CHST11: variants seen among roughly 807,000 people sequenced by gnomAD.
CHST11 encodes C4S-1.
In CHST11, 9 loss-of-function variants were observed where a neutral mutation model predicts 30.4. The observed-to-expected ratio is 0.30, with a 90% CI of 0.18 to 0.52. The LOEUF (loss-of-function observed/expected upper bound fraction) is 0.52, where lower values mean the gene tolerates loss of function less well. Among genes scored for constraint, CHST11 ranks in the 20% least tolerant of loss-of-function variants. CHST11 has a pLI of 0.97. For missense variants in CHST11, 348 were observed against 460.6 expected (o/e 0.76, Z 2.24); for synonymous variants, 152 against 187.8 (o/e 0.81, Z 1.56).
At position 104,571,360 on chromosome 12, in the gene CHST11, C is replaced by G. The variant is rs181975343; in HGVS notation, c.119-30546C>G. Among the ~76,000 whole-genome samples, 175 of 151,916 alleles carry G rather than the reference C, an allele frequency of 1.2e-3. 1 individual carries two copies. In the East Asian group the frequency reaches 0.029, roughly 25 times the overall value. ...GTATTTTTAGTAGAGATGGGGTTTC[C>G]CCCTGTTGGTCAGGCTGGTCTTGAT... On this transcript the variant is annotated intron_variant, in intron 1 of 2. Transcript: ENST00000303694.
At chr12:104,567,740 C>G (rs530685287) in intron 1 of CHST11, among the ~76,000 whole-genome samples, 3 of 152,170 alleles carry the variant, frequency 2.0e-5, no homozygotes, top group Non-Finnish European at 4.4e-5. Context: ...GTGTACCCCC[C>G]ACAAATTCAA....
At chr12:104,653,795 G>A (rs2039517307) in intron 2 of CHST11, among the ~76,000 whole-genome samples, 1 of 152,272 alleles carries the variant, frequency 6.6e-6, no homozygotes, top group African/African-American at 2.4e-5. Flanking sequence ...GTGACCTCCC[G>A]AGATCATGTA....
chr12:104,684,181 T>C (rs748563356), intron 2 of CHST11, among the ~76,000 whole-genome samples: 10 of 152,234 alleles, frequency 6.6e-5, no homozygotes, highest in Non-Finnish European at 1.5e-4. Flanking sequence ...TGGGTGTGGC[T>C]CTTCCCCCAA....
intron 1 of CHST11, among the ~76,000 whole-genome samples, chr12:104,575,961 C>T (rs2038680072): frequency 6.6e-6 from 1 of 151,656 alleles, no homozygotes; most frequent in Non-Finnish European, 1.5e-5. Flanking sequence ...TGCACGAATG[C>T]CACCCACCCT....
At chr12:104,638,948 G>A (rs2039349919) in intron 2 of CHST11, among the ~76,000 whole-genome samples, 1 of 152,168 alleles carries the variant, frequency 6.6e-6, no homozygotes, top group Non-Finnish European at 1.5e-5. Flanking sequence ...CTGCGCATGT[G>A]GCTTTTCTCC....
chr12:104,512,599 A>G (rs2037976337), intron 1 of CHST11, among the ~76,000 whole-genome samples: 1 of 152,130 alleles, frequency 6.6e-6, no homozygotes, highest in Admixed American at 6.5e-5. Context: ...TTGGGAAACT[A>G]ATTATAGGGT....
intron 1 of CHST11, among the ~76,000 whole-genome samples, chr12:104,543,886 C>T (rs565488627): frequency 3.3e-5 from 5 of 152,012 alleles, no homozygotes; most frequent in African/African-American, 1.2e-4. Flanking sequence ...CCCAGCTACT[C>T]GGGAGGCCAA....
At chr12:104,597,265 G>A (rs148555289) in intron 1 of CHST11, among the ~76,000 whole-genome samples, 372 of 152,210 alleles carry the variant, frequency 2.4e-3, no homozygotes, top group African/African-American at 8.7e-3. Context: ...CTGGGTCCAA[G>A]AAATCATACT....
intron 1 of CHST11, among the ~76,000 whole-genome samples, chr12:104,555,039 TACTC>T (rs1048759782): frequency 2.6e-5 from 4 of 152,260 alleles, no homozygotes; most frequent in African/African-American, 7.2e-5. Context: ...TTTGTTCTTT[TACTC>T]ACTCAATGCT....
chr12:104,625,394 T>C (rs1207779672), intron 2 of CHST11, among the ~76,000 whole-genome samples: 2 of 152,270 alleles, frequency 1.3e-5, no homozygotes, highest in African/African-American at 4.8e-5. Flanking sequence ...AACCTCTGCC[T>C]CCCGGGTTCA....
At chr12:104,733,940 G>A (rs914743611) in intron 2 of CHST11, among the ~76,000 whole-genome samples, 22 of 152,250 alleles carry the variant, frequency 1.4e-4, no homozygotes, top group Non-Finnish European at 3.2e-4. Flanking sequence ...ATGCCCCCAT[G>A]GCCCAGCCCT....
At chr12:104,556,096 C>T (rs372518845) in intron 1 of CHST11, among the ~76,000 whole-genome samples, 3 of 152,288 alleles carry the variant, frequency 2.0e-5, no homozygotes, top group Admixed American at 2.0e-4. Context: ...ACCAGAAAGA[C>T]CCCCCTCCGC....
At chr12:104,633,256 T>C (rs989490255) in intron 2 of CHST11, among the ~76,000 whole-genome samples, 4 of 152,144 alleles carry the variant, frequency 2.6e-5, no homozygotes, top group Non-Finnish European at 5.9e-5. Flanking sequence ...TTTGGGACAA[T>C]AACTCATGAT....
chr12:104,500,442 A>G (rs1037435682), intron 1 of CHST11, among the ~76,000 whole-genome samples: 1 of 152,250 alleles, frequency 6.6e-6, no homozygotes, highest in African/African-American at 2.4e-5. Context: ...CAAGGATACT[A>G]GAAATGAACG....
chr12:104,695,303 T>C (rs772170265), intron 2 of CHST11, among the ~76,000 whole-genome samples: 3 of 152,182 alleles, frequency 2.0e-5, no homozygotes, highest in East Asian at 1.9e-4. Flanking sequence ...CAAGGCCTGA[T>C]AGTTTGAAGG....
chr12:104,598,228 T>C (rs753855542), intron 1 of CHST11, among the ~76,000 whole-genome samples: 11 of 152,186 alleles, frequency 7.2e-5, no homozygotes, highest in Non-Finnish European at 5.9e-5. Flanking sequence ...TCCTCATTGT[T>C]ACCATTTACA....
At chr12:104,572,993 G>T (rs2136025392) in intron 1 of CHST11, among the ~76,000 whole-genome samples, 1 of 152,316 alleles carries the variant, frequency 6.6e-6, no homozygotes, top group Admixed American at 6.5e-5. Flanking sequence ...ATCTCCTTAA[G>T]CTGATAGGCA....
At chr12:104,466,075 G>A (rs1198359949) in intron 1 of CHST11, among the ~76,000 whole-genome samples, 2 of 151,960 alleles carry the variant, frequency 1.3e-5, no homozygotes, top group African/African-American at 4.8e-5. Flanking sequence ...GGCCAGGCTG[G>A]TCTCGAACTC....
At chr12:104,646,135 A>G (rs141476798) in intron 2 of CHST11, among the ~76,000 whole-genome samples, 94 of 152,024 alleles carry the variant, frequency 6.2e-4, no homozygotes, top group Non-Finnish European at 1.1e-3. Context: ...GAGAAGTTGC[A>G]TTTCATATCC....
Sources: gnomAD v4.1 joint callset for allele counts (sites outside exome capture counted in the v4.1 genomes callset) on GRCh38, gnomAD v4.1.1 for gene constraint, MANE v1.5 for transcripts, NCBI Gene and HGNC (gene_info 2026-07-23, HGNC 2026-07-21) for gene names.